A2ML1: variants seen among roughly 807,000 people sequenced by gnomAD.
A2ML1 encodes the protein alpha-2-macroglobulin-like protein 1.
A neutral mutation model predicts 181.9 loss-of-function variants in A2ML1; 161 were observed. The observed-to-expected ratio is 0.89, with a 90% CI of 0.78 to 1.01. A2ML1 has a LOEUF of 1.01. A2ML1 is among the 50% of genes least tolerant of loss of function. A2ML1 has a pLI of 0.00. For synonymous variants in A2ML1, 663 were observed against 666.8 expected (o/e 0.99, Z 0.09); for missense variants, 1,670 against 1,768.1 (o/e 0.94, Z 1.00).
chr12:8,837,033 T>C (rs2136771747), intron 7 of A2ML1, among the ~76,000 whole-genome samples: 2 of 151,902 alleles, frequency 1.3e-5, no homozygotes, highest in East Asian at 3.9e-4. Context: ...TGCTTTCTTC[T>C]TTTTTTTGAG....
chr12:8,854,148 A>C lies in A2ML1; in HGVS notation c.2611A>C (p.Ser871Arg), dbSNP rs375073450. ...CTCAGGTCACATTAACTTTACTATT[A>C]GTACAAAGATTCTGGACAGCAATGA... ...VKLGHINFTISTKILDSNEPC... is the reference protein window; with the variant it reads ...VKLGHINFTIRTKILDSNEPC... The change falls in exon 21 of 36, where the codon AGT becomes CGT. Residue 871 changes from serine (S) to arginine (R), a missense_variant. Transcript: ENST00000299698. The C allele has an allele frequency of 6.3e-5, 100 of 1,599,884 alleles. No individual in the cohort carries two copies. Among genetic ancestry groups the C allele is most frequent in the Non-Finnish European group, 8.4e-5 (98 of 1,172,864 alleles).
chr12:8,855,704 T>G, intron 23 of A2ML1, 112 bp downstream of exon 23: 1 of 988,722 alleles, frequency 1.0e-6, no homozygotes, highest in Non-Finnish European at 1.5e-6. Context: ...TAATAACAAG[T>G]GATGAAGGAA....
In A2ML1 at chr12:8,867,910, C is replaced by T. The variant is rs1944473926; in HGVS notation, c.3786C>T (p.Ile1262=). 1 of 1,614,238 alleles carries T rather than the reference C, an allele frequency of 6.2e-7. No individual in the cohort carries two copies. The highest frequency in any genetic ancestry group is 1.3e-5 in the African/African-American group (1 of 75,068). ...CCGCCTACATGCCATCTGAGGAGAT[C>T]AACCTGGTTGTAAAATCCACTGAGA... The part of the protein sequence containing the change: ...ATTAYMPSEE[I]NLVVKSTENF... Residue 1262 remains isoleucine, a synonymous_variant, in exon 30 of 36, where the codon ATC becomes ATT. Transcript: ENST00000299698.
chr12:8,855,363 A>T, intron 22 of A2ML1, 146 bp from the exon 23 acceptor site: 3 of 679,694 alleles, frequency 4.4e-6, no homozygotes, highest in Non-Finnish European at 7.7e-6. Context: ...GATCACTATG[A>T]ATAGTACCCA....
At position 8,845,517 on chromosome 12, in the gene A2ML1, T is replaced by G. The variant is rs1345762369; in HGVS notation, c.1537+15T>G. 6.2e-7 allele frequency: 1 copy of G among 1,613,380 alleles called. No individual in the cohort carries two copies. ...TAAGAAGAAAGGTGAGTGTACATGC[T>G]TTTCCCGGAAGCAAACAGGATATTT... On this transcript the variant is annotated intron_variant, in intron 13 of 35. Transcript: ENST00000299698.
intron 7 of A2ML1, among the ~76,000 whole-genome samples, chr12:8,885,009 A>T (rs1427990676): frequency 2.0e-5 from 3 of 152,216 alleles, no homozygotes; most frequent in Admixed American, 6.5e-5. Context: ...TTTATGGTAG[A>T]ATGATTTATA....
rs200964353 is a variant in A2ML1 at position 8,860,885 on chromosome 12, G to A, written c.3269G>A (p.Gly1090Asp). 1.0e-3 allele frequency: 1,641 copies of A among 1,613,980 alleles called. 5 individuals carry two copies. Among genetic ancestry groups the A allele is most frequent in the Non-Finnish European group, 1.3e-3 (1,505 of 1,180,040 alleles). The change falls in exon 27 of 36, where the codon GGT (glycine) becomes GAT (aspartate). Residue 1090 changes from glycine (G) to aspartate (D), a missense_variant. Transcript: ENST00000299698. ...TGCCTCCCTGTTTGCCTCTAGGGTG[G>A]TGTTGATGATGAGGTCTCCTTGACT... is the stretch of plus-strand genomic sequence containing the variant. The part of the protein sequence containing the change: ...GNLLHTAMKG[G>D]VDDEVSLTAY...
intron 10 of A2ML1, among the ~76,000 whole-genome samples, chr12:8,840,339 G>A (rs868707869): frequency 1.4e-5 from 2 of 145,878 alleles, no homozygotes; most frequent in African/African-American, 2.5e-5. Context: ...CAGCCTGGGC[G>A]ATAGAGCGAG....
At position 8,868,696 on chromosome 12, in the gene A2ML1, G is replaced by A. The variant is rs145717242; in HGVS notation, c.4152+69G>A. 26 of 1,350,932 alleles carry A rather than the reference G, an allele frequency of 1.9e-5. No homozygotes were observed. In the East Asian group the frequency reaches 5.1e-4, roughly 26 times the overall value. 83.7% of individuals were successfully genotyped at this position (1,350,932 alleles called of 1,614,324 possible). The stretch of plus-strand genomic sequence containing the variant: ...CCTAACGTTATAATTTAAAAAACTG[G>A]TAAAATGGGCATCATGGCGTGTATA... On this transcript the variant is annotated intron_variant, in intron 32 of 35. Coordinates refer to ENST00000299698, the MANE Select transcript of A2ML1 (RefSeq NM_144670.6).
intron 28 of A2ML1, 101 bp from the exon 29 acceptor site, chr12:8,863,693 C>G: frequency 8.6e-7 from 1 of 1,159,142 alleles, no homozygotes; most frequent in Non-Finnish European, 1.2e-6. Flanking sequence ...GTTTAATTCT[C>G]AGTTGGTACT....
intron 29 of A2ML1, among the ~76,000 whole-genome samples, chr12:8,865,715 G>A (rs1944404258): frequency 6.6e-6 from 1 of 152,012 alleles, no homozygotes; most frequent in Non-Finnish European, 1.5e-5. Context: ...TTGAATGAGT[G>A]GTGTGGCAGT....
chr12:8,843,400 GA>G, intron 12 of A2ML1, 39 bp downstream of exon 12: 1 of 1,588,000 alleles, frequency 6.3e-7, no homozygotes, highest in Non-Finnish European at 8.6e-7. Flanking sequence ...AGTATGCTGG[GA>G]AGGAAAGAGA....
At chr12:8,829,290 G>A (rs1404483137) in intron 3 of A2ML1, among the ~76,000 whole-genome samples, 2 of 152,202 alleles carry the variant, frequency 1.3e-5, no homozygotes, top group African/African-American at 4.8e-5. Context: ...CTCAGAGCAG[G>A]TTTTGTAAAA....
chr12:8,826,865 C>A (rs1171320820), intron 3 of A2ML1, among the ~76,000 whole-genome samples: 1 of 152,108 alleles, frequency 6.6e-6, no homozygotes, highest in Non-Finnish European at 1.5e-5. Flanking sequence ...GTTATCCTCC[C>A]CACTCAGCCT....
intron 7 of A2ML1, among the ~76,000 whole-genome samples, chr12:8,884,086 C>T (rs1944895501): frequency 6.6e-6 from 1 of 151,994 alleles, no homozygotes; most frequent in South Asian, 2.1e-4. Flanking sequence ...ACACCTGGCC[C>T]TGTTTTTTGA....
rs764092668 is a variant in A2ML1 at position 8,882,634 on chromosome 12, C to G, written c.*94+2018C>G. Among the ~76,000 whole-genome samples, 20 of 152,126 alleles carry G rather than the reference C, an allele frequency of 1.3e-4. No homozygotes were observed. In the East Asian group the frequency reaches 3.9e-3, roughly 29 times the overall value. On this transcript the variant is annotated intron_variant and NMD_transcript_variant, in intron 7 of 7. Coordinates refer to the A2ML1 transcript ENST00000537475. ...ACAAGGCTGCCTCTATTCAACTAAC[C>G]CTTAGAATTGTGTCAGGTGATGTAC...
At chr12:8,833,054 A>G (rs1449321304) in intron 4 of A2ML1, among the ~76,000 whole-genome samples, 4 of 148,872 alleles carry the variant, frequency 2.7e-5, no homozygotes, top group East Asian at 4.0e-4. Context: ...GCTCACTGCA[A>G]CCTCCCCCTC....
chr12:8,854,394 T>C, intron 21 of A2ML1, 145 bp downstream of exon 21: 3 of 1,308,436 alleles, frequency 2.3e-6, no homozygotes, highest in Non-Finnish European at 3.1e-6. Flanking sequence ...CTTGAACATT[T>C]GCCTAATCCA....
At position 8,873,242 on chromosome 12, in the gene A2ML1, A is replaced by ATTT. The variant is rs775312034; in HGVS notation, c.4222-1170_4222-1168dup. Reference sequence around the variant, plus strand: ...GCGCTATATCTAAATTTATAATACGATTTTTTTTTTTTTTTGAGACAGGGT... The same window carrying ATTT: ...GCGCTATATCTAAATTTATAATACGATTTTTTTTTTTTTTTTTTGAGACAGGGT... On this transcript the variant is annotated intron_variant, in intron 33 of 35. Transcript: ENST00000299698. Among the ~76,000 whole-genome samples, 997 of 142,288 alleles carry ATTT rather than the reference A, an allele frequency of 7.0e-3. 23 individuals are homozygous for ATTT. Among genetic ancestry groups the ATTT allele is most frequent in the African/African-American group, 0.024 (944 of 38,858 alleles). The allele number at this position is 142,288 out of a possible 152,430, so 93.3% of individuals were successfully genotyped here. A position where few individuals can be genotyped will look rare whatever the true frequency, so the allele number is the denominator to read the frequency against.
Sources: allele counts gnomAD v4.1 joint callset (sites outside exome capture counted in the v4.1 genomes callset), GRCh38; gene constraint gnomAD v4.1.1; transcripts MANE v1.5; gene names NCBI Gene and HGNC (gene_info 2026-07-23, HGNC 2026-07-21).